CAST: variants seen among roughly 807,000 people sequenced by gnomAD.
CAST encodes the protein calpastatin.
CAST carries 76 observed loss-of-function variants against 119.6 expected under a neutral mutation model. That is an observed-to-expected ratio of 0.64 (90% CI 0.53 to 0.77). The LOEUF is 0.77. CAST is among the 30% of genes least tolerant of loss of function. The pLI, the probability that CAST is intolerant of heterozygous loss-of-function variation, is 0.00. For synonymous variants in CAST, 319 were observed against 331.6 expected (o/e 0.96, Z 0.41); for missense variants, 953 against 946.5 (o/e 1.01, Z -0.09).
At chr5:96,398,719 A>T in the CAST span, among the ~76,000 whole-genome samples, 2 of 152,114 alleles carry the variant, frequency 1.3e-5, no homozygotes, top group East Asian at 3.8e-4. Context: ...GGGCAGAGGG[A>T]GATCTAACAC....
At chr5:96,156,308 G>A in the CAST span, among the ~76,000 whole-genome samples, 2 of 152,280 alleles carry the variant, frequency 1.3e-5, no homozygotes, top group African/African-American at 2.4e-5. Flanking sequence ...TGTGGTATGA[G>A]CCCTGGGCAG....
chr5:96,588,887 G>C (rs1043298884), intron 1 of CAST, among the ~76,000 whole-genome samples: 24 of 152,288 alleles, frequency 1.6e-4, no homozygotes, highest in African/African-American at 5.5e-4. Context: ...GTTCTGCTTA[G>C]GAAGAAGACT....
chr5:96,240,407 G>A, the CAST span, among the ~76,000 whole-genome samples: 14 of 152,148 alleles, frequency 9.2e-5, no homozygotes, highest in Non-Finnish European at 4.4e-5. Flanking sequence ...GCAAGCGTCC[G>A]ATTTCTGGGT....
chr5:96,522,442 A>G (rs1342337067), upstream of CAST, among the ~76,000 whole-genome samples: 1 of 152,144 alleles, frequency 6.6e-6, no homozygotes, highest in Non-Finnish European at 1.5e-5. Context: ...GCAAATCTCT[A>G]TTAACCAATT....
chr5:96,317,587 T>G, the CAST span, among the ~76,000 whole-genome samples: 1 of 152,014 alleles, frequency 6.6e-6, no homozygotes, highest in Non-Finnish European at 1.5e-5. Context: ...TTTTATCTGA[T>G]GAATATGTAT....
chr5:96,124,711 A>T, the CAST span, among the ~76,000 whole-genome samples: 1 of 152,192 alleles, frequency 6.6e-6, no homozygotes, highest in Non-Finnish European at 1.5e-5. Flanking sequence ...AATTGATAGT[A>T]GTCTGTACCT....
the CAST span, among the ~76,000 whole-genome samples, chr5:96,433,524 A>G: frequency 6.6e-6 from 1 of 152,146 alleles, no homozygotes; most frequent in Non-Finnish European, 1.5e-5. Context: ...ATAACTACCA[A>G]GAATCAAAGG....
intron 6 of CAST, among the ~76,000 whole-genome samples, chr5:96,728,106 G>A (rs541736406): frequency 6.6e-6 from 1 of 152,328 alleles, no homozygotes; most frequent in East Asian, 1.9e-4. Context: ...CCCAGGTTGT[G>A]TACGGCAGCA....
At chr5:96,412,322 T>C in the CAST span, 3 of 1,614,084 alleles carry the variant, frequency 1.9e-6, no homozygotes, top group Non-Finnish European at 2.5e-6. Flanking sequence ...TCTTACCTGT[T>C]TGACACCATA....
At chr5:96,691,548 G>T (rs152014) in intron 2 of CAST, among the ~76,000 whole-genome samples, 35,873 of 152,110 alleles carry the variant, frequency 0.24, 5,228 homozygotes, top group African/African-American at 0.4. Context: ...CCCTGCAGAG[G>T]TCAGTCTGTT....
At chr5:96,385,961 C>A in the CAST span, among the ~76,000 whole-genome samples, 1 of 152,192 alleles carries the variant, frequency 6.6e-6, no homozygotes, top group Non-Finnish European at 1.5e-5. Flanking sequence ...AGCTCTACTC[C>A]TTGCTATCTG....
the CAST span, among the ~76,000 whole-genome samples, chr5:96,445,230 G>A: frequency 6.6e-6 from 1 of 152,258 alleles, no homozygotes; most frequent in South Asian, 2.1e-4. Context: ...CAAAGGGATG[G>A]TTTTCTGGCA....
chr5:96,485,955 A>C, the CAST span, among the ~76,000 whole-genome samples: 1 of 152,098 alleles, frequency 6.6e-6, no homozygotes, highest in Non-Finnish European at 1.5e-5. Flanking sequence ...TTTCCCTTTA[A>C]TTGTACCTAG....
In CAST at chr5:96,623,259, AT is replaced by A. The variant is rs11390086; in HGVS notation, c.61-52271del. Among the ~76,000 whole-genome samples, 9 of 151,582 alleles carry A rather than the reference AT, an allele frequency of 5.9e-5. No homozygotes were observed. The East Asian group carries it at 7.7e-4, about 13-fold the overall frequency. ...ACAAACTCTAAAGCACAATAATGGC[AT>A]TTTTTTTTCCATGAGTTCAAAAGCA... is the stretch of plus-strand genomic sequence containing the variant. On this transcript the variant is annotated intron_variant, in intron 1 of 11. Coordinates refer to the CAST transcript ENST00000505143.
chr5:96,699,829 A>T (rs1449728068), intron 3 of CAST, among the ~76,000 whole-genome samples: 1 of 152,212 alleles, frequency 6.6e-6, no homozygotes, highest in Non-Finnish European at 1.5e-5. Context: ...GATATCCATG[A>T]CAAAGGAAAA....
At chr5:96,095,693 G>T in the CAST span, among the ~76,000 whole-genome samples, 1 of 146,356 alleles carries the variant, frequency 6.8e-6, no homozygotes, top group African/African-American at 2.5e-5. Flanking sequence ...GCACCAAAAA[G>T]AAATTGCATC....
At chr5:96,692,800 T>C (rs1429508751) in intron 2 of CAST, among the ~76,000 whole-genome samples, 1 of 152,238 alleles carries the variant, frequency 6.6e-6, no homozygotes, top group African/African-American at 2.4e-5. Flanking sequence ...TTTGTTGACT[T>C]ACTTAAAGGC....
the CAST span, among the ~76,000 whole-genome samples, chr5:96,346,115 T>C: frequency 3.3e-5 from 5 of 152,166 alleles, no homozygotes; most frequent in African/African-American, 9.7e-5. Flanking sequence ...CATCCTCCGA[T>C]TGCAAAATAT....
the CAST span, among the ~76,000 whole-genome samples, chr5:96,101,398 G>T: frequency 6.6e-6 from 1 of 152,102 alleles, no homozygotes; most frequent in Non-Finnish European, 1.5e-5. Flanking sequence ...ATAAGTATAA[G>T]CCTCTCTCAC....
Sources: allele counts gnomAD v4.1 joint callset (sites outside exome capture counted in the v4.1 genomes callset), GRCh38; gene constraint gnomAD v4.1.1; transcripts MANE v1.5; gene names NCBI Gene and HGNC (gene_info 2026-07-23, HGNC 2026-07-21).